SH3PXD2A: variants seen among roughly 807,000 people sequenced by gnomAD.
SH3PXD2A encodes SH3 and PX domain-containing protein 2A.
SH3PXD2A carries 32 observed loss-of-function variants against 115.2 expected under a neutral mutation model. The observed-to-expected ratio is 0.28, with a 90% CI of 0.21 to 0.37. The LOEUF (loss-of-function observed/expected upper bound fraction) is 0.37, where lower values mean the gene tolerates loss of function less well. SH3PXD2A is among the 10% of genes least tolerant of loss of function. The pLI, the probability that SH3PXD2A is intolerant of heterozygous loss-of-function variation, is 1.00. For missense variants in SH3PXD2A, 1,328 were observed against 1,498.7 expected, an observed-to-expected ratio of 0.89 and a Z score of 1.88; for synonymous variants, 610 against 629.1, an observed-to-expected ratio of 0.97 and a Z score of 0.45.
At chr10:103,652,247 G>T (rs748387044) in intron 8 of SH3PXD2A, among the ~76,000 whole-genome samples, 2 of 152,234 alleles carry the variant, frequency 1.3e-5, no homozygotes, top group Admixed American at 6.5e-5. Flanking sequence ...GAACTCGGGG[G>T]TTCTATGAGC....
At chr10:103,775,948 A>G (rs1478068183) in intron 2 of SH3PXD2A, among the ~76,000 whole-genome samples, 1 of 152,068 alleles carries the variant, frequency 6.6e-6, no homozygotes, top group African/African-American at 2.4e-5. Context: ...CACACTCACT[A>G]AGCTGCTGTC....
intron 2 of SH3PXD2A, among the ~76,000 whole-genome samples, chr10:103,795,894 G>A (rs2039081023): frequency 1.4e-5 from 2 of 142,748 alleles, no homozygotes; most frequent in African/African-American, 2.6e-5. Flanking sequence ...GGGAGAGAGG[G>A]AGGGAGGAAA....
intron 5 of SH3PXD2A, among the ~76,000 whole-genome samples, chr10:103,715,347 T>C (rs1398406096): frequency 6.6e-6 from 1 of 152,230 alleles, no homozygotes; most frequent in Non-Finnish European, 1.5e-5. Flanking sequence ...TCCCCACAGT[T>C]GCCACTGCAG....
chr10:103,610,588 C>A lies in SH3PXD2A; in HGVS notation c.1308+993G>T, dbSNP rs555481065. Among the ~76,000 whole-genome samples, 5 of 152,270 alleles carry A rather than the reference C, an allele frequency of 3.3e-5. No homozygotes were observed. The South Asian group carries it at 1.0e-3, about 32-fold the overall frequency. On this transcript the variant is annotated intron_variant, in intron 13 of 14. Coordinates refer to ENST00000369774, the MANE Select transcript of SH3PXD2A (RefSeq NM_001394015.1). ...ACTCTTCCATAGACTGGTGCCATCT[C>A]CCTTAGCCAGGGCTGATGTCACTGA...
intron 2 of SH3PXD2A, among the ~76,000 whole-genome samples, chr10:103,779,138 G>A (rs1326061312): frequency 2.0e-5 from 3 of 152,106 alleles, no homozygotes; most frequent in Admixed American, 6.6e-5. Context: ...ACACGATCCC[G>A]GCTCACTGCA....
At chr10:103,828,634 C>A (rs763001425) in intron 1 of SH3PXD2A, among the ~76,000 whole-genome samples, 2 of 152,106 alleles carry the variant, frequency 1.3e-5, no homozygotes, top group Non-Finnish European at 2.9e-5. Flanking sequence ...GCCCTCCTGG[C>A]TGAGATGCTG....
At position 103,724,959 on chromosome 10, in the gene SH3PXD2A, C is replaced by T. The variant is rs139848267; in HGVS notation, c.307-598G>A. ...TCCCAGCCTTGTCTTCCACTAGCCA[C>T]GCTCCAGCTGCACCAGGCATTCACA... On this transcript the variant is annotated intron_variant, in intron 4 of 14. Transcript: ENST00000369774. 3.2e-3 allele frequency among the ~76,000 whole-genome samples: 488 copies of T among 152,314 alleles called. 1 individual carries two copies. The highest frequency in any genetic ancestry group is 0.014 in the Middle Eastern group (4 of 294).
rs1034382171 is a variant in SH3PXD2A, at chr10:103,612,915, A to C, written c.1196T>G (p.Val399Gly). 6.2e-7 allele frequency: 1 copy of C among 1,611,550 alleles called. No homozygotes were observed. Among genetic ancestry groups the C allele is most frequent in the Non-Finnish European group, 8.5e-7 (1 of 1,178,878 alleles). Reference sequence around the variant, plus strand: ...TGGAGAGCCCTGGGCCAGCCTGGAGACAGTCCTGTCAGGAACGCCCACGGC... The same window carrying C: ...TGGAGAGCCCTGGGCCAGCCTGGAGCCAGTCCTGTCAGGAACGCCCACGGC... The part of the protein sequence containing the change: ...GSAVGVPDRT[V>G]SRLAQGSPAV... Residue 399 changes from valine (V) to glycine (G), a missense_variant, in exon 12 of 15, where the codon GTC becomes GGC. Physicochemically the swap from Val to Gly is moderately radical, Grantham distance 109. This residue lies in a region of SH3PXD2A where 509 missense variants were observed against 628.3 expected (regional missense o/e 0.81). Coordinates refer to ENST00000369774, the MANE Select transcript of SH3PXD2A (RefSeq NM_001394015.1).
chr10:103,636,062 A>G lies in SH3PXD2A; in HGVS notation c.605-8860T>C, dbSNP rs181034943. Among the ~76,000 whole-genome samples the G allele has an allele frequency of 1.3e-3, 203 of 152,314 alleles. 1 individual carries two copies. Among genetic ancestry groups the G allele is most frequent in the African/African-American group, 4.1e-3 (171 of 41,566 alleles). On this transcript the variant is annotated intron_variant, in intron 8 of 14. Coordinates refer to ENST00000369774, the MANE Select transcript of SH3PXD2A (RefSeq NM_001394015.1). Reference sequence around the variant, plus strand: ...CCAGCAGAGTCCACCTGTTTGGCCAATTTCAAATCTCTCTCAAATTGACTG... The same window carrying G: ...CCAGCAGAGTCCACCTGTTTGGCCAGTTTCAAATCTCTCTCAAATTGACTG...
intron 5 of SH3PXD2A, among the ~76,000 whole-genome samples, chr10:103,696,685 G>A (rs772246511): frequency 6.6e-6 from 1 of 152,198 alleles, no homozygotes; most frequent in Non-Finnish European, 1.5e-5. Context: ...GGGAGGAAGG[G>A]CGGGGCTAGC....
chr10:103,846,608 T>C (rs1190283152), intron 1 of SH3PXD2A, among the ~76,000 whole-genome samples: 1 of 152,246 alleles, frequency 6.6e-6, no homozygotes, highest in Non-Finnish European at 1.5e-5. Flanking sequence ...GGCTCAGTGC[T>C]TTCCAAAGCA....
intron 1 of SH3PXD2A, among the ~76,000 whole-genome samples, chr10:103,812,961 G>GTA (rs1338958511): frequency 1.3e-5 from 2 of 152,140 alleles, no homozygotes; most frequent in African/African-American, 2.4e-5. Flanking sequence ...GTATGTGTGT[G>GTA]TATATATGTG....
At chr10:103,632,091 C>T (rs111329657) in intron 8 of SH3PXD2A, among the ~76,000 whole-genome samples, 75 of 152,060 alleles carry the variant, frequency 4.9e-4, no homozygotes, top group African/African-American at 1.5e-3. Context: ...GGCTTGGGCA[C>T]GGGAGGTTGA....
intron 6 of SH3PXD2A, among the ~76,000 whole-genome samples, chr10:103,676,363 G>C (rs999494220): frequency 3.3e-5 from 5 of 152,224 alleles, no homozygotes; most frequent in African/African-American, 1.2e-4. Context: ...GCTCAGGCGG[G>C]GGATGGGGTG....
At chr10:103,837,242 C>A (rs1484518080) in intron 1 of SH3PXD2A, among the ~76,000 whole-genome samples, 2 of 152,262 alleles carry the variant, frequency 1.3e-5, no homozygotes, top group Non-Finnish European at 2.9e-5. Flanking sequence ...TCCTCTCTAA[C>A]GAGAAACCCA....
chr10:103,828,423 CACCCTCCCTGGGGGTG>C (rs1268141966), intron 1 of SH3PXD2A, among the ~76,000 whole-genome samples: 1 of 152,190 alleles, frequency 6.6e-6, no homozygotes, highest in African/African-American at 2.4e-5. Context: ...TTGGAAGCAT[CACCCTCCCTGGGGGTG>C]GCCCTGAGAT....
intron 1 of SH3PXD2A, among the ~76,000 whole-genome samples, chr10:103,832,321 C>T (rs901249628): frequency 1.3e-5 from 2 of 149,854 alleles, no homozygotes; most frequent in Non-Finnish European, 3.0e-5. Flanking sequence ...GGGAGATAGT[C>T]TCTACACCCT....
chr10:103,662,679 G>A (rs1195526185), intron 7 of SH3PXD2A, among the ~76,000 whole-genome samples: 6 of 151,870 alleles, frequency 4.0e-5, no homozygotes, highest in Admixed American at 2.6e-4. Context: ...GATTACAGGC[G>A]TGAGCCACCG....
intron 7 of SH3PXD2A, among the ~76,000 whole-genome samples, chr10:103,662,338 T>TGGCGG (rs1213857844): frequency 4.4e-4 from 1 of 2,264 alleles, no homozygotes; most frequent in African/African-American, 2.2e-3. Flanking sequence ...TCACCATTAT[T>TGGCGG]GGCGGGGGGG....
Sources: gnomAD v4.1 joint callset for allele counts (sites outside exome capture counted in the v4.1 genomes callset) on GRCh38, gnomAD v4.1.1 for gene constraint, gnomAD v4.1.1 regional missense constraint, MANE v1.5 for transcripts, NCBI Gene and HGNC (gene_info 2026-07-23, HGNC 2026-07-21) for gene names.